Variants in TECTA observed in about 807,000 individuals in gnomAD.
The protein encoded by TECTA is tectorin alpha.
Under a neutral mutation model 216.8 loss-of-function variants are expected in TECTA, and 128 were observed. The observed-to-expected ratio is 0.59, with a 90% confidence interval of 0.51 to 0.68. The LOEUF (loss-of-function observed/expected upper bound fraction) is 0.68, where lower values mean the gene tolerates loss of function less well. Among genes scored for constraint, TECTA ranks in the 30% least tolerant of loss-of-function variants. The probability of loss-of-function intolerance (pLI) is 0.00; values close to 1 mark genes in which losing one functional copy is unlikely to be tolerated. For missense variants in TECTA, 2,551 were observed against 2,786.2 expected, an observed-to-expected ratio of 0.92 and a Z score of 1.90; for synonymous variants, 1,089 against 1,117.1, an observed-to-expected ratio of 0.97 and a Z score of 0.50.
In TECTA at chr11:121,146,118, T is replaced by C; in HGVS notation, c.4105+2T>C. 2 of 1,606,318 alleles carry C rather than the reference T, an allele frequency of 1.2e-6. No homozygotes were observed. Among genetic ancestry groups the C allele is most frequent in the East Asian group, 2.2e-5 (1 of 44,890 alleles). ...GCTGGAGGAATTACACGTCCTGCAG[T>C]GAGTCCTTCTCGTTGTCCCTCCTTG... is the stretch of plus-strand genomic sequence containing the variant. On this transcript the variant is annotated splice_donor_variant, in intron 12 of 23. Coordinates refer to ENST00000392793, the MANE Select transcript of TECTA (RefSeq NM_005422.4). LOFTEE classifies it high-confidence loss of function.
intron 14 of TECTA, among the ~76,000 whole-genome samples, chr11:121,159,823 T>A (rs533276193): frequency 2.2e-4 from 33 of 152,368 alleles, no homozygotes; most frequent in African/African-American, 7.5e-4. Context: ...TCTCCCCTAC[T>A]TCTGCTCCAT....
At chr11:121,183,820 C>G (rs1397231136) in intron 20 of TECTA, among the ~76,000 whole-genome samples, 1 of 152,202 alleles carries the variant, frequency 6.6e-6, no homozygotes, top group African/African-American at 2.4e-5. Flanking sequence ...TTTAGTCTCA[C>G]TCTATTGCCC....
intron 13 of TECTA, among the ~76,000 whole-genome samples, chr11:121,155,815 T>C (rs983500406): frequency 5.3e-5 from 8 of 152,154 alleles, no homozygotes; most frequent in African/African-American, 1.7e-4. Context: ...AACAGTTTCC[T>C]GGAATTCTTA....
At position 121,113,024 on chromosome 11, in the gene TECTA, A is replaced by T; in HGVS notation, c.487-48A>T. 1 of 1,612,806 alleles carries T rather than the reference A, an allele frequency of 6.2e-7. No individual in the cohort carries two copies. Among genetic ancestry groups the T allele is most frequent in the Non-Finnish European group, 8.5e-7 (1 of 1,179,632 alleles). ...AAGGGAGGACCTCCTTGGGGCCAGGACCTCCTGGGGAGTGCAAGTCATGAG... is the reference window on the plus strand; with the variant it reads ...AAGGGAGGACCTCCTTGGGGCCAGGTCCTCCTGGGGAGTGCAAGTCATGAG... On this transcript the variant is annotated intron_variant, in intron 4 of 23. Transcript: ENST00000392793. The surrounding 1 kb of genome is among the most constrained non-coding windows in gnomAD (Gnocchi z 4.2).
chr11:121,104,499 T>C (rs1027579833), intron 2 of TECTA, among the ~76,000 whole-genome samples: 1 of 152,124 alleles, frequency 6.6e-6, no homozygotes, highest in Non-Finnish European at 1.5e-5. Flanking sequence ...TGTCAGCCCC[T>C]GGAAAGAAAT....
At chr11:121,186,828 T>G (rs1375834766) in intron 20 of TECTA, among the ~76,000 whole-genome samples, 1 of 152,228 alleles carries the variant, frequency 6.6e-6, no homozygotes, top group Non-Finnish European at 1.5e-5. Context: ...CTTTTTATCT[T>G]TATCATTTTA....
chr11:121,133,916 G>A (rs973902636), intron 10 of TECTA, among the ~76,000 whole-genome samples: 7 of 152,284 alleles, frequency 4.6e-5, no homozygotes, highest in Non-Finnish European at 7.4e-5. Context: ...TATCCTGTCT[G>A]TCAGTCTATC....
At position 121,113,869 on chromosome 11, in the gene TECTA, T is replaced by C. The variant is rs1026254389; in HGVS notation, c.790+151T>C. The stretch of plus-strand genomic sequence containing the variant: ...AATGGAGATCAAGGTAATTTTAGCA[T>C]GTGCATTCATCACATCAGAAGCTAA... On this transcript the variant is annotated intron_variant, in intron 6 of 23. Transcript: ENST00000392793. This position sits in a 1 kb window ranked among gnomAD's most constrained non-coding sequence, Gnocchi z 4.2. 1.0e-6 allele frequency: 1 copy of C among 984,086 alleles called. No homozygotes were observed. The highest frequency in any genetic ancestry group is 1.6e-6 in the Non-Finnish European group (1 of 644,392). 61.0% of individuals were successfully genotyped at this position (984,086 alleles called of 1,614,324 possible). A position where few individuals can be genotyped will look rare whatever the true frequency, so the allele number is the denominator to read the frequency against.
rs1946948578 is a variant in TECTA at position 121,157,039 on chromosome 11, G to A, written c.4306-802G>A. Among the ~76,000 whole-genome samples the A allele has an allele frequency of 2.6e-5, 4 of 152,150 alleles. 1 individual carries two copies. The highest frequency in any genetic ancestry group is 2.0e-4 in the Admixed American group (3 of 15,278). On this transcript the variant is annotated intron_variant, in intron 13 of 23. Transcript: ENST00000392793. ...GCAGACTAGACACAAGGAAGGGTGA[G>A]GATTGTGAAATGTGAAATGGTTAAT...
intron 9 of TECTA, 104 bp from the exon 10 acceptor site, chr11:121,129,534 C>CA (rs2135083807): frequency 8.2e-7 from 1 of 1,220,848 alleles, no homozygotes; most frequent in African/African-American, 1.5e-5. Context: ...TGACCTCTCT[C>CA]AAAAGGCTAG....
Position 121,128,132 on chromosome 11 carries a change from C to T in TECTA, c.2155C>T (p.Gln719Ter). ...RETVCLLSQN[Q>*]VLHTFDGASY... ...GACCGTGTGCCTGCTCAGCCAGAACCAGGTGCTGCACACCTTTGACGGCGC... is the reference window on the plus strand; with the variant it reads ...GACCGTGTGCCTGCTCAGCCAGAACTAGGTGCTGCACACCTTTGACGGCGC... The change falls in exon 9 of 24, where the codon CAG (glutamine) becomes TAG (stop). Residue 719 changes from glutamine (Q) to a stop codon, truncating the protein, a stop_gained. Transcript: ENST00000392793. LOFTEE classifies it high-confidence loss of function. 1 of 1,612,950 alleles carries T rather than the reference C, an allele frequency of 6.2e-7. No individual in the cohort carries two copies. The highest frequency in any genetic ancestry group is 8.5e-7 in the Non-Finnish European group (1 of 1,180,030).
At chr11:121,175,867 G>T (rs1446846573) in intron 20 of TECTA, among the ~76,000 whole-genome samples, 1 of 152,142 alleles carries the variant, frequency 6.6e-6, no homozygotes, top group East Asian at 1.9e-4. Flanking sequence ...ATGAATCTGG[G>T]TGCTCCTGTG....
chr11:121,133,970 G>A (rs1946700201), intron 10 of TECTA, among the ~76,000 whole-genome samples: 1 of 152,152 alleles, frequency 6.6e-6, no homozygotes. Flanking sequence ...ATGGATGCCT[G>A]TTTTTTCCAG....
At chr11:121,116,798 G>GA (rs1413259794) in intron 6 of TECTA, among the ~76,000 whole-genome samples, 1 of 152,176 alleles carries the variant, frequency 6.6e-6, no homozygotes, top group Non-Finnish European at 1.5e-5. Context: ...TTGAAAGCCT[G>GA]AAAAAGCAGG....
Position 121,178,540 on chromosome 11 carries a change from G to GTGTT in TECTA, c.6000-9289_6000-9288insTTGT, listed in dbSNP as rs998052037. On this transcript the variant is annotated intron_variant, in intron 20 of 23. Transcript: ENST00000392793. ...TTAGTGTGTGTGTGTGTGTGTGTGT[G>GTGTT]TGTGTGTGTGTGTGTGTGTGTGGTG... Among the ~76,000 whole-genome samples, 188 of 151,282 alleles carry GTGTT rather than the reference G, an allele frequency of 1.2e-3. 1 individual carries two copies. The highest frequency in any genetic ancestry group is 4.4e-3 in the African/African-American group (181 of 41,254).
chr11:121,136,112 C>T (rs1181668035), intron 10 of TECTA, among the ~76,000 whole-genome samples: 1 of 152,082 alleles, frequency 6.6e-6, no homozygotes, highest in Non-Finnish European at 1.5e-5. Context: ...GTGTGTACCA[C>T]CACGCCTGGC....
chr11:121,181,624 C>T (rs139012753), intron 20 of TECTA, among the ~76,000 whole-genome samples: 3,613 of 152,162 alleles, frequency 0.024, 62 homozygotes, highest in Non-Finnish European at 0.035. Context: ...AATGTGCCAC[C>T]ATGCCCAGCT....
chr11:121,136,034 C>A (rs1284007129), intron 10 of TECTA, among the ~76,000 whole-genome samples: 2 of 152,014 alleles, frequency 1.3e-5, no homozygotes, highest in African/African-American at 4.8e-5. Flanking sequence ...TCTCTGCTCA[C>A]TGCAACTGCC....
chr11:121,115,774 C>T (rs1378986939), intron 6 of TECTA, among the ~76,000 whole-genome samples: 2 of 152,246 alleles, frequency 1.3e-5, no homozygotes, highest in Non-Finnish European at 2.9e-5. Flanking sequence ...AATCCTCTCA[C>T]CTCAGTCTCC....
Sources: allele counts gnomAD v4.1 joint callset (sites outside exome capture counted in the v4.1 genomes callset), GRCh38; gene constraint gnomAD v4.1.1; non-coding constraint Gnocchi (gnomAD v3.1); transcripts MANE v1.5; gene names NCBI Gene and HGNC (gene_info 2026-07-23, HGNC 2026-07-21).